Variants in MAPKBP1 observed in about 807,000 individuals in gnomAD.
MAPKBP1 encodes mitogen-activated protein kinase binding protein 1.
Under a neutral mutation model 170.5 loss-of-function variants are expected in MAPKBP1, and 71 were observed. That is an observed-to-expected ratio of 0.42 (90% CI 0.34 to 0.51). The LOEUF (loss-of-function observed/expected upper bound fraction) is 0.51, where lower values mean the gene tolerates loss of function less well. Among genes scored for constraint, MAPKBP1 ranks in the 20% least tolerant of loss-of-function variants. The pLI is 0.06. For synonymous variants in MAPKBP1, 719 were observed against 757.9 expected (o/e 0.95, Z 0.84); for missense variants, 1,598 against 1,933.0 (o/e 0.83, Z 3.25).
rs2064823905 is a variant in MAPKBP1, at chr15:41,812,637, A to C, written c.620A>C (p.Asp207Ala). 1.9e-6 allele frequency: 3 copies of C among 1,608,468 alleles called. No individual in the cohort carries two copies. The highest frequency in any genetic ancestry group is 1.3e-5 in the African/African-American group (1 of 74,962). The change falls in exon 7 of 31, where the codon GAC becomes GCC. Residue 207 changes from aspartate to alanine, a missense_variant. This residue lies in a region of MAPKBP1 where 430 missense variants were observed against 617.2 expected (regional missense o/e 0.70). Coordinates refer to ENST00000457542, the MANE Select transcript of MAPKBP1 (RefSeq NM_014994.3). ...CACATCAAATTCTGGTATCTCGATG[A>C]CAGCAAGACCTCAAAGGTGAGGTGC... ...NRHIKFWYLD[D>A]SKTSKVNATV...
intron 12 of MAPKBP1, 176 bp from the exon 13 acceptor site, chr15:41,816,383 C>T (rs1479324237): frequency 5.2e-6 from 3 of 581,470 alleles, no homozygotes; most frequent in Non-Finnish European, 9.2e-6. Context: ...AAGATGTTCA[C>T]ATTAGGGAAA....
rs10634609 is a variant in MAPKBP1, at chr15:41,827,125, G to GTC, written c.*1691_*1692dup. The GTC allele has an allele frequency of 0.85, 129,606 of 151,602 alleles. 56,385 individuals are homozygous for GTC. Among genetic ancestry groups the GTC allele is most frequent in the African/African-American group, 0.95 (39,226 of 41,324 alleles). 9.4% of individuals were successfully genotyped at this position (151,602 alleles called of 1,614,324 possible). A position where few individuals can be genotyped will look rare whatever the true frequency, so the allele number is the denominator to read the frequency against. On this transcript the variant is annotated 3_prime_UTR_variant, in exon 31 of 31. Transcript: ENST00000457542. Reference sequence around the variant, plus strand: ...AGCCTGGCCAACATGGTGAAACCCTGTCTACTAAAAATAAAAAAATTAGCT... The same window carrying GTC: ...AGCCTGGCCAACATGGTGAAACCCTGTCTCTACTAAAAATAAAAAAATTAGCT...
intron 2 of MAPKBP1, among the ~76,000 whole-genome samples, chr15:41,794,847 C>G (rs2152072446): frequency 6.6e-6 from 1 of 152,232 alleles, no homozygotes; most frequent in South Asian, 2.1e-4. Context: ...TGGGTTGTTA[C>G]CTGCCTCTGA....
In MAPKBP1 at chr15:41,823,822, CG is replaced by C. The variant is rs2065044850; in HGVS notation, c.3976del (p.Val1326TrpfsTer3). 6.2e-7 allele frequency: 1 copy of C among 1,614,064 alleles called. No homozygotes were observed. The highest frequency in any genetic ancestry group is 1.3e-5 in the African/African-American group (1 of 74,914). ...APGEAEKPGFPVGLGKAHSTT... is the reference protein window; with the variant it reads ...APGEAEKPGFXVGLGKAHSTT... ...GGCGAGGCAGAAAAGCCTGGCTTCC[CG>C]GTGGGCCTAGGAAAAGCTCACAGTA... On this transcript the variant is annotated frameshift_variant, in exon 29 of 31. Coordinates refer to ENST00000457542, the MANE Select transcript of MAPKBP1 (RefSeq NM_014994.3). LOFTEE classifies it high-confidence loss of function.
At chr15:41,806,051 G>C (rs1457040810) in intron 3 of MAPKBP1, among the ~76,000 whole-genome samples, 1 of 152,170 alleles carries the variant, frequency 6.6e-6, no homozygotes, top group Non-Finnish European at 1.5e-5. Context: ...GTGACTTGAA[G>C]ACATATTCAC....
Position 41,818,497 on chromosome 15 carries a change from C to T in MAPKBP1, c.2093-22C>T, listed in dbSNP as rs987118434. 1 of 1,607,374 alleles carries T rather than the reference C, an allele frequency of 6.2e-7. No homozygotes were observed. ...TTGGGAATTTAAGGTGGCTTATAGA[C>T]CGTATTCTTTGTTCTTCACAGAGAT... On this transcript the variant is annotated intron_variant, in intron 18 of 30. Coordinates refer to ENST00000457542, the MANE Select transcript of MAPKBP1 (RefSeq NM_014994.3). The surrounding 1 kb of genome is among the most constrained non-coding windows in gnomAD (Gnocchi z 5.2).
In MAPKBP1 at chr15:41,824,380, G is replaced by A. The variant is rs1156771084; in HGVS notation, c.4214-104G>A. On this transcript the variant is annotated intron_variant, in intron 29 of 30. Coordinates refer to ENST00000457542, the MANE Select transcript of MAPKBP1 (RefSeq NM_014994.3). The stretch of plus-strand genomic sequence containing the variant: ...GGAAGGGACTGAGGGCAAGTGGGGG[G>A]TGCAATGCTGAGGGCTAGGTCTCTC... 4 of 1,059,466 alleles carry A rather than the reference G, an allele frequency of 3.8e-6. No individual in the cohort carries two copies. In the African/African-American group the frequency reaches 4.7e-5, roughly 13 times the overall value. 65.6% of individuals were successfully genotyped at this position (1,059,466 alleles called of 1,614,324 possible). A position where few individuals can be genotyped will look rare whatever the true frequency, so the allele number is the denominator to read the frequency against.
In MAPKBP1 at chr15:41,810,903, A is replaced by G. The variant is rs199917154; in HGVS notation, c.227A>G (p.Asn76Ser). ...CTCAGGTGTGTGGTTGTGTTGTTCA[A>G]TCCCCGGAAACACAAACAGCACCAC... ...YPAGCVVVLF[N>S]PRKHKQHHIL... The change falls in exon 4 of 31, where the codon AAT becomes AGT. Residue 76 changes from asparagine to serine, a missense_variant. Coordinates refer to ENST00000457542, the MANE Select transcript of MAPKBP1 (RefSeq NM_014994.3). The G allele has an allele frequency of 3.5e-5, 56 of 1,614,070 alleles. No individual in the cohort carries two copies. Among genetic ancestry groups the G allele is most frequent in the East Asian group, 3.3e-4 (15 of 44,872 alleles).
In MAPKBP1 at chr15:41,818,970, T is replaced by G; in HGVS notation, c.2291+13T>G. On this transcript the variant is annotated intron_variant, in intron 20 of 30. Coordinates refer to ENST00000457542, the MANE Select transcript of MAPKBP1 (RefSeq NM_014994.3). This position sits in a 1 kb window ranked among gnomAD's most constrained non-coding sequence, Gnocchi z 5.2. The stretch of plus-strand genomic sequence containing the variant: ...CTGGACCCAACCGGTGAGAACAGAA[T>G]GTGGGCAAGTGATGGGTGGGTGTGC... 6.2e-7 allele frequency: 1 copy of G among 1,612,624 alleles called. No homozygotes were observed. Among genetic ancestry groups the G allele is most frequent in the Non-Finnish European group, 8.5e-7 (1 of 1,178,918 alleles).
chr15:41,815,778 G>A lies in MAPKBP1; in HGVS notation c.1472G>A (p.Gly491Glu), dbSNP rs2064880482. 1.2e-6 allele frequency: 2 copies of A among 1,613,968 alleles called. No homozygotes were observed. The highest frequency in any genetic ancestry group is 1.7e-5 in the Admixed American group (1 of 60,000). ...CCCAATGGACAGCATCTAGCATCAG[G>A]GGACCGTATGGGCACACTTAGGTAA... ...VSPNGQHLAS[G>E]DRMGTLRVHE... is the part of the protein sequence containing the mutation. The change falls in exon 12 of 31, where the codon GGG becomes GAG. Residue 491 changes from glycine to glutamate, a missense_variant. Gly to Glu is a moderately conservative substitution (Grantham distance 98). Around this residue, in one of 6 missense-constraint regions of MAPKBP1, gnomAD observed 430 missense variants for 617.2 expected, o/e 0.70. Coordinates refer to ENST00000457542, the MANE Select transcript of MAPKBP1 (RefSeq NM_014994.3).
chr15:41,795,845 G>A (rs1380205718), intron 2 of MAPKBP1, among the ~76,000 whole-genome samples: 6 of 152,078 alleles, frequency 3.9e-5, no homozygotes, highest in African/African-American at 7.2e-5. Flanking sequence ...TCCTGACCTC[G>A]TGATCCGCCC....
At chr15:41,811,352 G>T (rs1409715902) in intron 5 of MAPKBP1, 117 bp downstream of exon 5, 7 of 1,096,952 alleles carry the variant, frequency 6.4e-6, no homozygotes, top group Non-Finnish European at 9.7e-6. Flanking sequence ...ACCAAATCCT[G>T]GTTTTCGCTA....
rs1329512303 is a variant in MAPKBP1, at chr15:41,818,312, G to A, written c.2092+7G>A. 6.2e-7 allele frequency: 1 copy of A among 1,608,580 alleles called. No individual in the cohort carries two copies. Among genetic ancestry groups the A allele is most frequent in the South Asian group, 1.1e-5 (1 of 90,986 alleles). Reference sequence around the variant, plus strand: ...ACCATGTTTGGCCACTCAGGTGAGTGTAGCCTGAATCCCCGAGTAGAAGCT... The same window carrying A: ...ACCATGTTTGGCCACTCAGGTGAGTATAGCCTGAATCCCCGAGTAGAAGCT... On this transcript the variant is annotated splice_region_variant and intron_variant, in intron 18 of 30. Coordinates refer to ENST00000457542, the MANE Select transcript of MAPKBP1 (RefSeq NM_014994.3). The surrounding 1 kb of genome is among the most constrained non-coding windows in gnomAD (Gnocchi z 5.2).
rs550367200 is a variant in MAPKBP1, at chr15:41,777,225, C to G, written c.114+1836C>G. 2.0e-5 allele frequency among the ~76,000 whole-genome samples: 3 copies of G among 151,976 alleles called. No homozygotes were observed. In the South Asian group the frequency reaches 6.2e-4, roughly 32 times the overall value. On this transcript the variant is annotated intron_variant, in intron 2 of 30. Transcript: ENST00000457542. ...GCGTGGTGGTGCATGTCTGTAATCCCAGCTACTCGGGAGGCTGAGGCAGGA... is the reference window on the plus strand; with the variant it reads ...GCGTGGTGGTGCATGTCTGTAATCCGAGCTACTCGGGAGGCTGAGGCAGGA...
At chr15:41,792,422 G>C (rs559577030) in intron 2 of MAPKBP1, among the ~76,000 whole-genome samples, 2 of 152,232 alleles carry the variant, frequency 1.3e-5, no homozygotes, top group East Asian at 3.9e-4. Flanking sequence ...ACCTCTGTCA[G>C]GTTGGTATAC....
At position 41,826,331 on chromosome 15, in the gene MAPKBP1, G is replaced by A. The variant is rs898432928; in HGVS notation, c.*895G>A. 6.6e-6 allele frequency: 1 copy of A among 152,418 alleles called. No homozygotes were observed. Among genetic ancestry groups the A allele is most frequent in the African/African-American group, 2.4e-5 (1 of 41,424 alleles). The allele number at this position is 152,418 out of a possible 1,614,324, so 9.4% of individuals were successfully genotyped here. ...GTGTTGGAACATCCCTCGTTTACGG[G>A]GCGCTGGCCTACCTCCTGAGGACCT... On this transcript the variant is annotated 3_prime_UTR_variant, in exon 31 of 31. Transcript: ENST00000457542.
At chr15:41,803,630 G>GCTT (rs1460471793) in intron 3 of MAPKBP1, among the ~76,000 whole-genome samples, 2 of 151,524 alleles carry the variant, frequency 1.3e-5, no homozygotes, top group African/African-American at 4.8e-5. Context: ...CAGGAGGATT[G>GCTT]CTTGAGCCCA....
chr15:41,819,759 C>T, intron 22 of MAPKBP1, 109 bp downstream of exon 22: 2 of 1,113,588 alleles, frequency 1.8e-6, no homozygotes, highest in East Asian at 2.4e-5. Context: ...GGTCTGCCCA[C>T]ATGCTGCACT....
In MAPKBP1 at chr15:41,817,224, T is replaced by C. The variant is rs2152081238; in HGVS notation, c.1712-164T>C. ...GGGACTTGAGCCAACCAGGTTGGAC[T>C]GAGGATAAGGAGACAGGAAAACCTG... On this transcript the variant is annotated intron_variant, in intron 14 of 30. Coordinates refer to ENST00000457542, the MANE Select transcript of MAPKBP1 (RefSeq NM_014994.3). This position sits in a 1 kb window ranked among gnomAD's most constrained non-coding sequence, Gnocchi z 4.2. 6.6e-6 allele frequency among the ~76,000 whole-genome samples: 1 copy of C among 152,304 alleles called. No homozygotes were observed. Among genetic ancestry groups the C allele is most frequent in the East Asian group, 1.9e-4 (1 of 5,180 alleles).
Sources: allele counts gnomAD v4.1 joint callset (sites outside exome capture counted in the v4.1 genomes callset), GRCh38; gene constraint gnomAD v4.1.1; regional missense constraint gnomAD v4.1.1; non-coding constraint Gnocchi (gnomAD v3.1); transcripts MANE v1.5; gene names NCBI Gene and HGNC (gene_info 2026-07-23, HGNC 2026-07-21).